The following PTPRD variants were observed in gnomAD, a reference collection of about 807,000 sequenced individuals.
PTPRD encodes protein tyrosine phosphatase receptor type D.
A neutral mutation model predicts 214.5 loss-of-function variants in PTPRD; 34 were observed. The ratio of observed to expected loss-of-function variants is 0.16; its 90% CI spans 0.12 to 0.21. PTPRD has a LOEUF of 0.21. Among genes scored for constraint, PTPRD ranks in the 10% least tolerant of loss-of-function variants. The pLI is 1.00. For synonymous variants in PTPRD, 1,128 were observed against 845.7 expected (o/e 1.33, Z -5.79); for missense variants, 2,545 against 2,398.7 (o/e 1.06, Z -1.27).
At chr9:10,519,219 G>A (rs1047868588) in intron 2 of PTPRD, among the ~76,000 whole-genome samples, 33 of 130,168 alleles carry the variant, frequency 2.5e-4, no homozygotes, top group African/African-American at 8.1e-4. Flanking sequence ...TTTATTCAGC[G>A]GGAGAAGTTA....
In PTPRD at chr9:9,651,675, G is replaced by T. The variant is rs1564321611; in HGVS notation, c.-286-76894C>A. On this transcript the variant is annotated intron_variant, in intron 7 of 45. Coordinates refer to ENST00000381196, the MANE Select transcript of PTPRD (RefSeq NM_002839.4). ...GCATTTAGCTTGATTCCATGTCTTT[G>T]CTATTGTGAATGGTGCTGCAATGAA... Among the ~76,000 whole-genome samples, 3 of 152,030 alleles carry T rather than the reference G, an allele frequency of 2.0e-5. No homozygotes were observed. In the South Asian group the frequency reaches 6.2e-4, roughly 32 times the overall value.
chr9:9,806,695 C>T (rs1326041589), intron 5 of PTPRD, among the ~76,000 whole-genome samples: 2 of 152,132 alleles, frequency 1.3e-5, no homozygotes, highest in South Asian at 4.1e-4. Context: ...CCTGCTCAGG[C>T]GGTCTCTTAT....
chr9:8,939,498 A>T (rs915125064), intron 11 of PTPRD, among the ~76,000 whole-genome samples: 1 of 152,212 alleles, frequency 6.6e-6, no homozygotes, highest in African/African-American at 2.4e-5. Context: ...CCAAAGAACT[A>T]TGTAAATAAA....
intron 8 of PTPRD, among the ~76,000 whole-genome samples, chr9:9,493,511 G>T (rs114907037): frequency 6.6e-6 from 1 of 151,950 alleles, no homozygotes; most frequent in Admixed American, 6.6e-5. Flanking sequence ...TTTTGTGTCC[G>T]GGTAGGGTGG....
intron 8 of PTPRD, among the ~76,000 whole-genome samples, chr9:9,551,719 GC>G (rs2080303984): frequency 6.6e-6 from 1 of 151,892 alleles, no homozygotes; most frequent in African/African-American, 2.4e-5. Flanking sequence ...ACTGCATATA[GC>G]CTGGGATAAA....
intron 7 of PTPRD, among the ~76,000 whole-genome samples, chr9:9,589,615 T>C (rs1563897723): frequency 6.6e-6 from 1 of 152,036 alleles, no homozygotes; most frequent in Non-Finnish European, 1.5e-5. Flanking sequence ...GTAATTACAA[T>C]TAATATTCAC....
intron 4 of PTPRD, among the ~76,000 whole-genome samples, chr9:9,968,452 C>A (rs2094859313): frequency 6.6e-6 from 1 of 152,130 alleles, no homozygotes. Context: ...ATTTGCATAT[C>A]TAATTATAAC....
Position 10,383,009 on chromosome 9 carries a change from T to C in PTPRD, c.-599-41992A>G, listed in dbSNP as rs376884053. ...CTGATATTTGGATTACTACTGTTAA[T>C]ATAATCACATTGGTATTCATGGGCT... On this transcript the variant is annotated intron_variant, in intron 2 of 45. Coordinates refer to ENST00000381196, the MANE Select transcript of PTPRD (RefSeq NM_002839.4). Among the ~76,000 whole-genome samples the C allele has an allele frequency of 6.6e-5, 10 of 151,986 alleles. No individual in the cohort carries two copies. The East Asian group carries it at 9.7e-4, about 15-fold the overall frequency.
chr9:9,614,782 G>T (rs868061884), intron 7 of PTPRD, among the ~76,000 whole-genome samples: 2 of 152,274 alleles, frequency 1.3e-5, no homozygotes, highest in African/African-American at 2.4e-5. Flanking sequence ...TGAAAAAGCT[G>T]TAGAGCAGAA....
At chr9:10,611,456 G>A (rs1397625218) in intron 2 of PTPRD, among the ~76,000 whole-genome samples, 1 of 152,126 alleles carries the variant, frequency 6.6e-6, no homozygotes. Context: ...GTTTTATTTA[G>A]ATATTACAAA....
chr9:10,279,541 T>A (rs1020616736), intron 3 of PTPRD, among the ~76,000 whole-genome samples: 7 of 152,152 alleles, frequency 4.6e-5, no homozygotes, highest in Non-Finnish European at 1.0e-4. Context: ...GATAAAACTT[T>A]CGGAATACTA....
intron 12 of PTPRD, among the ~76,000 whole-genome samples, chr9:8,643,289 A>G (rs2096616196): frequency 7.9e-5 from 12 of 152,116 alleles, no homozygotes; most frequent in Admixed American, 7.2e-4. Flanking sequence ...GCAAGATGTT[A>G]TCATTACTCC....
At chr9:8,824,264 G>T (rs1416346487) in intron 11 of PTPRD, among the ~76,000 whole-genome samples, 1 of 152,142 alleles carries the variant, frequency 6.6e-6, no homozygotes, top group African/African-American at 2.4e-5. Context: ...AGTTGCTGTG[G>T]TTAGCACACC....
chr9:9,490,230 T>C (rs1241165941), intron 8 of PTPRD, among the ~76,000 whole-genome samples: 1 of 151,962 alleles, frequency 6.6e-6, no homozygotes, highest in East Asian at 1.9e-4. Context: ...TTGTTACCAC[T>C]AAACCTACCC....
intron 11 of PTPRD, among the ~76,000 whole-genome samples, chr9:8,763,228 T>C (rs901223289): frequency 1.3e-5 from 2 of 152,272 alleles, no homozygotes; most frequent in African/African-American, 4.8e-5. Flanking sequence ...TAAATAATGG[T>C]AGGCCAGGGA....
rs541093693 is a variant in PTPRD, at chr9:8,452,675, T to C, written c.3876-2838A>G. ...AACTATCTACTATGTGGAGGAGTTA[T>C]GTAGGTGAAAAGGAAATGGAAGATC... is the stretch of plus-strand genomic sequence containing the variant. On this transcript the variant is annotated intron_variant, in intron 33 of 45. Coordinates refer to ENST00000381196, the MANE Select transcript of PTPRD (RefSeq NM_002839.4). 1.4e-4 allele frequency among the ~76,000 whole-genome samples: 21 copies of C among 152,330 alleles called. No individual in the cohort carries two copies. The South Asian group carries it at 3.9e-3, about 29-fold the overall frequency.
At chr9:9,889,630 C>T (rs959401678) in intron 5 of PTPRD, among the ~76,000 whole-genome samples, 2 of 152,118 alleles carry the variant, frequency 1.3e-5, no homozygotes, top group Non-Finnish European at 2.9e-5. Context: ...AATACATTGC[C>T]TGTTCTGTGA....
chr9:8,489,322 G>C (rs1050659020), intron 27 of PTPRD, among the ~76,000 whole-genome samples: 5 of 152,152 alleles, frequency 3.3e-5, no homozygotes, highest in African/African-American at 4.8e-5. Flanking sequence ...GGAATCACGA[G>C]ATCAAAGTAA....
At chr9:9,669,150 T>C (rs1290550281) in intron 7 of PTPRD, among the ~76,000 whole-genome samples, 1 of 152,168 alleles carries the variant, frequency 6.6e-6, no homozygotes, top group Non-Finnish European at 1.5e-5. Context: ...TTACTGGGTA[T>C]ATACCCAAAG....
Sources: allele counts gnomAD v4.1 joint callset (sites outside exome capture counted in the v4.1 genomes callset), GRCh38; gene constraint gnomAD v4.1.1; transcripts MANE v1.5; gene names NCBI Gene and HGNC (gene_info 2026-07-23, HGNC 2026-07-21).